ANKS1B: variants seen among roughly 807,000 people sequenced by gnomAD.
The protein encoded by ANKS1B is ankyrin repeat and sterile alpha motif domain-containing protein 1B.
Under a neutral mutation model 148.3 loss-of-function variants are expected in ANKS1B, and 36 were observed. The ratio of observed to expected loss-of-function variants is 0.24; its 90% confidence interval spans 0.19 to 0.32. The LOEUF (loss-of-function observed/expected upper bound fraction) is 0.32. Ranked by LOEUF, ANKS1B falls within the 10% of genes least tolerant of loss-of-function variation. ANKS1B has a pLI of 1.00. For synonymous variants in ANKS1B, 542 were observed against 560.8 expected (o/e 0.97, Z 0.47); for missense variants, 1,157 against 1,542.6 (o/e 0.75, Z 4.19).
Position 99,528,430 on chromosome 12 carries a change from A to C in ANKS1B, c.1273-23789T>G, listed in dbSNP as rs1392386825. On this transcript the variant is annotated intron_variant, in intron 9 of 26. Coordinates refer to ENST00000683438, the MANE Select transcript of ANKS1B (RefSeq NM_001352186.2). ...AGCCAAAAAACAGAACAAAAACAAA[A>C]ACAAAAAAAAAAACAAAAAAAAAAC... Among the ~76,000 whole-genome samples the C allele has an allele frequency of 5.9e-5, 5 of 85,344 alleles. No individual in the cohort carries two copies. The East Asian group carries it at 1.6e-3, about 28-fold the overall frequency. 56.0% of individuals were successfully genotyped at this position (85,344 alleles called of 152,430 possible). A position where few individuals can be genotyped will look rare whatever the true frequency, so the allele number is the denominator to read the frequency against.
intron 12 of ANKS1B, among the ~76,000 whole-genome samples, chr12:99,295,036 C>A (rs1035414065): frequency 6.6e-6 from 1 of 152,126 alleles, no homozygotes; most frequent in African/African-American, 2.4e-5. Context: ...ACATTGTATG[C>A]CTGGATCAAA....
chr12:99,914,354 T>C (rs1295955133), intron 1 of ANKS1B, among the ~76,000 whole-genome samples: 1 of 152,180 alleles, frequency 6.6e-6, no homozygotes, highest in Non-Finnish European at 1.5e-5. Context: ...TGGACTGTAA[T>C]GTGTTACAGG....
At chr12:99,109,237 A>G (rs2059815914) in intron 15 of ANKS1B, among the ~76,000 whole-genome samples, 1 of 152,176 alleles carries the variant, frequency 6.6e-6, no homozygotes, top group African/African-American at 2.4e-5. Context: ...TTATTAAATG[A>G]CAAAGGAAGT....
rs998151883 is a variant in ANKS1B at position 98,839,750 on chromosome 12, T to A, written c.2779-7614A>T. Among the ~76,000 whole-genome samples the A allele has an allele frequency of 5.9e-5, 9 of 152,292 alleles. 1 individual carries two copies. Among genetic ancestry groups the A allele is most frequent in the East Asian group, 3.9e-4 (2 of 5,186 alleles). On this transcript the variant is annotated intron_variant, in intron 17 of 26. Transcript: ENST00000683438. ...ACACACTTGTGCATATTCCAGAGTG[T>A]CTCTGCCTGGATTTTCATTAGAATC...
At position 99,701,185 on chromosome 12, in the gene ANKS1B, T is replaced by C. The variant is rs115217413; in HGVS notation, c.1129-45975A>G. Reference sequence around the variant, plus strand: ...TAGAATCTCTTGGTTGTGCCACCACTTCCTGACACCAGTTGAGACACTTTG... The same window carrying C: ...TAGAATCTCTTGGTTGTGCCACCACCTCCTGACACCAGTTGAGACACTTTG... On this transcript the variant is annotated intron_variant, in intron 8 of 26. Transcript: ENST00000683438. Among the ~76,000 whole-genome samples, 564 of 152,310 alleles carry C rather than the reference T, an allele frequency of 3.7e-3. 3 individuals are homozygous for C. Among genetic ancestry groups the C allele is most frequent in the African/African-American group, 0.013 (520 of 41,564 alleles).
At chr12:98,780,190 C>T (rs527994155) in intron 24 of ANKS1B, among the ~76,000 whole-genome samples, 12 of 152,226 alleles carry the variant, frequency 7.9e-5, no homozygotes, top group Admixed American at 3.3e-4. Context: ...TTCTCCAAAA[C>T]GGAGGGGGTC....
intron 12 of ANKS1B, among the ~76,000 whole-genome samples, chr12:99,258,748 C>A (rs1295674245): frequency 2.0e-5 from 3 of 151,082 alleles, no homozygotes; most frequent in African/African-American, 7.3e-5. Context: ...GTGAGTCAAA[C>A]AAGTAACAAT....
chr12:99,921,864 A>G (rs1299951786), intron 1 of ANKS1B, among the ~76,000 whole-genome samples: 1 of 152,138 alleles, frequency 6.6e-6, no homozygotes, highest in Non-Finnish European at 1.5e-5. Context: ...TGAAAAATAT[A>G]AACTTTTTTT....
intron 1 of ANKS1B, among the ~76,000 whole-genome samples, chr12:99,973,297 G>A (rs1034169244): frequency 5.9e-5 from 9 of 152,308 alleles, no homozygotes; most frequent in Admixed American, 2.0e-4. Flanking sequence ...GAACATTTGC[G>A]GGCCAGGTGC....
chr12:99,290,435 G>A (rs1337245371), intron 12 of ANKS1B, among the ~76,000 whole-genome samples: 6 of 151,872 alleles, frequency 4.0e-5, no homozygotes, highest in Non-Finnish European at 7.4e-5. Flanking sequence ...GTATTATGCT[G>A]ATATCATAAA....
chr12:99,649,240 G>A (rs1567561573), intron 9 of ANKS1B: 1 of 1,377,310 alleles, frequency 7.3e-7, no homozygotes, highest in East Asian at 2.3e-5. Context: ...GGAAGAGAAA[G>A]GAGATCTTGC....
intron 8 of ANKS1B, among the ~76,000 whole-genome samples, chr12:99,745,315 G>A (rs1383722105): frequency 6.6e-6 from 1 of 152,148 alleles, no homozygotes; most frequent in Admixed American, 6.5e-5. Context: ...AAACTAATGA[G>A]AAGCATAAGA....
intron 9 of ANKS1B, among the ~76,000 whole-genome samples, chr12:99,588,418 T>A (rs1351347526): frequency 6.6e-6 from 1 of 151,230 alleles, no homozygotes; most frequent in Non-Finnish European, 1.5e-5. Flanking sequence ...GTAATCTTTT[T>A]TTTTTGTCTT....
At chr12:99,461,988 T>C (rs555654726) in intron 10 of ANKS1B, among the ~76,000 whole-genome samples, 18 of 152,318 alleles carry the variant, frequency 1.2e-4, no homozygotes, top group African/African-American at 4.1e-4. Flanking sequence ...AACCTATCAG[T>C]CCCTTTCCAT....
intron 1 of ANKS1B, among the ~76,000 whole-genome samples, chr12:99,879,967 G>A (rs911542684): frequency 2.0e-5 from 3 of 152,094 alleles, no homozygotes; most frequent in African/African-American, 7.2e-5. Context: ...GTAATATGAC[G>A]TAGCAGCTAA....
At chr12:99,195,139 G>C (rs2712667) in intron 14 of ANKS1B, among the ~76,000 whole-genome samples, 83,176 of 151,732 alleles carry the variant, frequency 0.55, 23,940 homozygotes, top group Non-Finnish European at 0.63. Context: ...TATATTATTG[G>C]TTTCCTAGTT....
At chr12:99,744,862 C>T (rs189429869) in intron 8 of ANKS1B, among the ~76,000 whole-genome samples, 300 of 151,800 alleles carry the variant, frequency 2.0e-3, no homozygotes, top group Non-Finnish European at 3.6e-3. Context: ...CGTGGTGGCA[C>T]ATGCCTGTAA....
intron 12 of ANKS1B, among the ~76,000 whole-genome samples, chr12:99,288,721 T>C (rs1423705085): frequency 6.6e-6 from 1 of 152,086 alleles, no homozygotes; most frequent in Non-Finnish European, 1.5e-5. Flanking sequence ...AAGATGTTAT[T>C]TGCAAGCCTC....
intron 1 of ANKS1B, among the ~76,000 whole-genome samples, chr12:99,857,032 A>G (rs2089242275): frequency 6.6e-6 from 1 of 152,208 alleles, no homozygotes; most frequent in African/African-American, 2.4e-5. Context: ...AGTCCTAGCC[A>G]GAGCAATCAA....
Sources: allele counts gnomAD v4.1 joint callset (sites outside exome capture counted in the v4.1 genomes callset), GRCh38; gene constraint gnomAD v4.1.1; transcripts MANE v1.5; gene names NCBI Gene and HGNC (gene_info 2026-07-23, HGNC 2026-07-21).